CFAP299: variants seen among roughly 807,000 people sequenced by gnomAD.
The protein encoded by CFAP299 is cilia and flagella associated protein 299.
CFAP299 carries 21 observed loss-of-function variants against 27.0 expected under a neutral mutation model. The ratio of observed to expected loss-of-function variants is 0.78; its 90% CI spans 0.55 to 1.12. CFAP299 has a LOEUF of 1.12. Ranked by LOEUF, CFAP299 falls within the 50% of genes most tolerant of loss-of-function variation. The pLI is 0.00. For missense variants in CFAP299, 310 were observed against 276.6 expected (o/e 1.12, Z -0.86); for synonymous variants, 104 against 98.1 (o/e 1.06, Z -0.36).
intron 3 of CFAP299, among the ~76,000 whole-genome samples, chr4:80,714,114 G>A (rs968134879): frequency 2.0e-5 from 3 of 151,902 alleles, no homozygotes; most frequent in African/African-American, 7.3e-5. Flanking sequence ...ATGCTGTCTC[G>A]CTCCTTGAGG....
chr4:80,679,115 T>G (rs1280312932), intron 3 of CFAP299, among the ~76,000 whole-genome samples: 1 of 152,106 alleles, frequency 6.6e-6, no homozygotes, highest in Non-Finnish European at 1.5e-5. Flanking sequence ...GCTCTTCATC[T>G]CTATAATTTT....
chr4:80,691,824 C>T (rs900347554), intron 3 of CFAP299, among the ~76,000 whole-genome samples: 1 of 152,206 alleles, frequency 6.6e-6, no homozygotes, highest in African/African-American at 2.4e-5. Flanking sequence ...TCTCTTTAAG[C>T]TGATAAGCAA....
Position 80,410,926 on chromosome 4 carries a change from A to G in CFAP299, c.242+48042A>G, listed in dbSNP as rs970445632. ...ATACTGGCAGCTTTTGTTAATAAGA[A>G]TTAGGTTGGCTCCAAAAAGTAATCA... On this transcript the variant is annotated intron_variant, in intron 2 of 5. Coordinates refer to ENST00000358105, the MANE Select transcript of CFAP299 (RefSeq NM_152770.3). Among the ~76,000 whole-genome samples the G allele has an allele frequency of 3.3e-5, 5 of 152,164 alleles. No individual in the cohort carries two copies. In the South Asian group the frequency reaches 8.3e-4, roughly 25 times the overall value.
intron 5 of CFAP299, among the ~76,000 whole-genome samples, chr4:80,950,453 G>A (rs1319055964): frequency 6.6e-6 from 1 of 152,138 alleles, no homozygotes; most frequent in Non-Finnish European, 1.5e-5. Flanking sequence ...TTCAGGGGAG[G>A]CAGAATGTAC....
chr4:80,624,905 TGAA>T (rs1307593049), intron 3 of CFAP299, among the ~76,000 whole-genome samples: 2 of 152,022 alleles, frequency 1.3e-5, no homozygotes. Flanking sequence ...TCTTCAGAAA[TGAA>T]GGAGGAATAA....
intron 3 of CFAP299, among the ~76,000 whole-genome samples, chr4:80,710,241 G>T (rs1024091043): frequency 6.6e-6 from 1 of 152,116 alleles, no homozygotes; most frequent in African/African-American, 2.4e-5. Context: ...GGCCAGGATG[G>T]CAGAGGATAA....
intron 2 of CFAP299, among the ~76,000 whole-genome samples, chr4:80,431,221 A>G (rs192308711): frequency 8.5e-4 from 130 of 152,280 alleles, no homozygotes; most frequent in Non-Finnish European, 1.4e-3. Flanking sequence ...TTTGTTCAGT[A>G]ACTGGAATGG....
intron 2 of CFAP299, among the ~76,000 whole-genome samples, chr4:80,551,719 G>A (rs1220246645): frequency 6.6e-6 from 1 of 150,626 alleles, no homozygotes; most frequent in Non-Finnish European, 1.5e-5. Flanking sequence ...TAATTTTTGT[G>A]TATAAAAGCT....
At chr4:80,875,546 C>T (rs185677710) in intron 4 of CFAP299, among the ~76,000 whole-genome samples, 2,152 of 151,966 alleles carry the variant, frequency 0.014, 49 homozygotes, top group African/African-American at 0.049. Context: ...TGCCTGTAAT[C>T]CCAGCTACTT....
At chr4:80,732,060 CAG>C (rs1290513395) in intron 3 of CFAP299, among the ~76,000 whole-genome samples, 3 of 139,016 alleles carry the variant, frequency 2.2e-5, no homozygotes, top group Non-Finnish European at 1.5e-5. Context: ...CACAGACACA[CAG>C]ACACACAGAC....
rs2867783 is a variant in CFAP299 at position 80,631,864 on chromosome 4, A to G, written c.333+48681A>G. On this transcript the variant is annotated intron_variant, in intron 3 of 5. Coordinates refer to ENST00000358105, the MANE Select transcript of CFAP299 (RefSeq NM_152770.3). ...CTATCAGTCTGAATATTTGTGCCCC[A>G]CCCCCCCCCAACCAAATTCATATGT... Among the ~76,000 whole-genome samples the G allele has an allele frequency of 1.0e-4, 3 of 29,982 alleles. 1 individual carries two copies. The highest frequency in any genetic ancestry group is 1.3e-3 in the South Asian group (1 of 748). The allele number at this position is 29,982 out of a possible 152,430, so 19.7% of individuals were successfully genotyped here.
At chr4:80,427,722 C>T (rs988582751) in intron 2 of CFAP299, among the ~76,000 whole-genome samples, 4 of 152,172 alleles carry the variant, frequency 2.6e-5, no homozygotes, top group African/African-American at 9.7e-5. Context: ...CTGCATTAAA[C>T]AGCAACTTAA....
intron 2 of CFAP299, among the ~76,000 whole-genome samples, chr4:80,572,874 C>T (rs1735663880): frequency 6.6e-6 from 1 of 152,088 alleles, no homozygotes; most frequent in African/African-American, 2.4e-5. Context: ...AACTATTCAT[C>T]TGTTGAAGGA....
chr4:80,829,648 G>A (rs148933246), intron 3 of CFAP299, among the ~76,000 whole-genome samples: 24 of 152,110 alleles, frequency 1.6e-4, no homozygotes, highest in Admixed American at 8.5e-4. Context: ...AGCATTAATC[G>A]TAATAGCTAC....
chr4:80,391,096 T>C (rs1560544292), intron 2 of CFAP299, among the ~76,000 whole-genome samples: 1 of 152,036 alleles, frequency 6.6e-6, no homozygotes, highest in East Asian at 1.9e-4. Context: ...CACACATATA[T>C]CCTGCATTTT....
intron 2 of CFAP299, among the ~76,000 whole-genome samples, chr4:80,530,668 T>C (rs1733419746): frequency 6.6e-6 from 1 of 152,198 alleles, no homozygotes; most frequent in Non-Finnish European, 1.5e-5. Flanking sequence ...TTGTGCTAAA[T>C]TGTAAATGCA....
intron 2 of CFAP299, among the ~76,000 whole-genome samples, chr4:80,394,939 AT>A (rs199898491): frequency 3.3e-5 from 5 of 151,644 alleles, no homozygotes; most frequent in Non-Finnish European, 7.4e-5. Context: ...ACTTTACAAC[AT>A]TTTTTTTCTA....
chr4:80,665,713 A>C (rs1463556970), intron 3 of CFAP299, among the ~76,000 whole-genome samples: 1 of 152,210 alleles, frequency 6.6e-6, no homozygotes, highest in Non-Finnish European at 1.5e-5. Context: ...CCCAAATTAC[A>C]TGTTAAAATG....
At chr4:80,587,853 A>ATAATAATGATTATAATTTCAGC (rs1560640516) in intron 3 of CFAP299, among the ~76,000 whole-genome samples, 1 of 151,558 alleles carries the variant, frequency 6.6e-6, no homozygotes, top group African/African-American at 2.4e-5. Flanking sequence ...GGGCCTCCCA[A>ATAATAATGATTATAATTTCAGC]AGTGCAGGCT....
Sources: gnomAD v4.1 joint callset for allele counts (sites outside exome capture counted in the v4.1 genomes callset) on GRCh38, gnomAD v4.1.1 for gene constraint, MANE v1.5 for transcripts, NCBI Gene and HGNC (gene_info 2026-07-23, HGNC 2026-07-21) for gene names.